Variants in KDM3A observed in about 807,000 individuals in gnomAD.
The protein encoded by KDM3A is lysine-specific demethylase 3A.
Under a neutral mutation model 158.0 loss-of-function variants are expected in KDM3A, and 60 were observed. That is an observed-to-expected ratio of 0.38 (90% CI 0.31 to 0.47). The LOEUF is 0.47. Among genes scored for constraint, KDM3A ranks in the 20% least tolerant of loss-of-function variants. KDM3A has a pLI of 0.99. For missense variants in KDM3A, 1,319 were observed against 1,574.3 expected, an observed-to-expected ratio of 0.84 and a Z score of 2.74; for synonymous variants, 608 against 549.3, an observed-to-expected ratio of 1.11 and a Z score of -1.49.
chr2:86,439,622 C>A (rs1487610830), upstream of KDM3A, among the ~76,000 whole-genome samples: 1 of 151,956 alleles, frequency 6.6e-6, no homozygotes, highest in Non-Finnish European at 1.5e-5. Context: ...TTCTCCATAT[C>A]TTCCCTTATA....
At chr2:86,480,411 C>G in intron 16 of KDM3A, 49 bp downstream of exon 16, 1 of 1,498,738 alleles carries the variant, frequency 6.7e-7, no homozygotes, top group African/African-American at 1.4e-5. Flanking sequence ...TTAGTCCATT[C>G]GTGGAAGGAC....
intron 11 of KDM3A, among the ~76,000 whole-genome samples, chr2:86,470,918 A>G (rs773879418): frequency 6.6e-6 from 1 of 152,162 alleles, no homozygotes; most frequent in Non-Finnish European, 1.5e-5. Flanking sequence ...TGTTGGTATT[A>G]AGATTATTTT....
intron 20 of KDM3A, 44 bp downstream of exon 20, chr2:86,485,073 G>A: frequency 9.0e-7 from 1 of 1,105,476 alleles, no homozygotes; most frequent in Non-Finnish European, 1.4e-6. Flanking sequence ...TCCTTCACTT[G>A]GTAGGATAAA....
In KDM3A at chr2:86,449,916, G is replaced by A. The variant is rs1160369590; in HGVS notation, c.296G>A (p.Arg99Gln). The change falls in exon 3 of 26, where the codon CGA becomes CAA. Residue 99 changes from arginine to glutamine, a missense_variant. By Grantham distance (43) the Arg-to-Gln change is conservative. This residue lies in a region of KDM3A where 652 missense variants were observed against 627.2 expected (regional missense o/e 1.04). Coordinates refer to ENST00000312912, the MANE Select transcript of KDM3A (RefSeq NM_018433.6). ...LVEHNLVLAE[R>Q]KSPEISERIV... ...GAACATAATTTGGTTTTAGCTGAAC[G>A]AAAGTCACCTGAAATTTCTGAACGA... is the stretch of plus-strand genomic sequence containing the variant. 8 of 1,613,706 alleles carry A rather than the reference G, an allele frequency of 5.0e-6. No homozygotes were observed. The highest frequency in any genetic ancestry group is 4.5e-5 in the East Asian group (2 of 44,868).
intron 2 of KDM3A, among the ~76,000 whole-genome samples, chr2:86,449,414 CAATT>C (rs1333786687): frequency 6.6e-6 from 1 of 152,152 alleles, no homozygotes; most frequent in African/African-American, 2.4e-5. Flanking sequence ...TGTCAATAGA[CAATT>C]ACAGTGCAGT....
At chr2:86,487,253 G>A (rs1674225682) in intron 21 of KDM3A, 1 of 152,110 alleles carries the variant, frequency 6.6e-6, no homozygotes, top group Admixed American at 6.5e-5. Flanking sequence ...ACTAATAGAT[G>A]GCAGTGTTAC....
upstream of KDM3A, among the ~76,000 whole-genome samples, chr2:86,439,349 A>T (rs1463467741): frequency 6.6e-6 from 1 of 152,028 alleles, no homozygotes; most frequent in Non-Finnish European, 1.5e-5. Context: ...ATGCTGCTGG[A>T]TTTAATTTGC....
Position 86,481,938 on chromosome 2 carries a change from C to G in KDM3A, c.2521C>G (p.Pro841Ala). The change falls in exon 17 of 26, where the codon CCA becomes GCA. Residue 841 changes from proline (P) to alanine (A), a missense_variant. Physicochemically the swap from Pro to Ala is conservative, Grantham distance 27 (BLOSUM62 -1). This residue lies in a region of KDM3A where 368 missense variants were observed against 415.8 expected (regional missense o/e 0.89). Transcript: ENST00000312912. ...TTTTGGTTTTATTTTAGAAAAACAA[C>G]CAACAATGCCAATTTTAAAGAATGA... ...NVNKENKEKQ[P>A]TMPILKNEIK... 6.2e-7 allele frequency: 1 copy of G among 1,607,828 alleles called. No individual in the cohort carries two copies. Among genetic ancestry groups the G allele is most frequent in the Non-Finnish European group, 8.5e-7 (1 of 1,177,518 alleles).
chr2:86,483,170 T>G (rs1295715488), intron 18 of KDM3A: 1 of 155,168 alleles, frequency 6.4e-6, no homozygotes, highest in Non-Finnish European at 1.4e-5. Flanking sequence ...TGTTGGATCT[T>G]AAGTGCCGGT....
chr2:86,443,615 C>T (rs768445489), intron 2 of KDM3A: 1 of 152,140 alleles, frequency 6.6e-6, no homozygotes, highest in Non-Finnish European at 1.5e-5. Context: ...AGGACACATA[C>T]GTAGGAATTG....
chr2:86,470,144 T>TA (rs1330256887), intron 10 of KDM3A, 60 bp from the exon 11 acceptor site: 5 of 1,349,684 alleles, frequency 3.7e-6, no homozygotes. Context: ...AATTCAGTCA[T>TA]ATATGAATGT....
At chr2:86,455,928 C>A (rs1284679062) in intron 5 of KDM3A, among the ~76,000 whole-genome samples, 2 of 146,524 alleles carry the variant, frequency 1.4e-5, no homozygotes, top group Non-Finnish European at 3.0e-5. Flanking sequence ...TACACTCCAG[C>A]CTGGGTGAGA....
At chr2:86,471,470 A>G (rs888505276) in intron 11 of KDM3A, among the ~76,000 whole-genome samples, 1 of 152,072 alleles carries the variant, frequency 6.6e-6, no homozygotes, top group African/African-American at 2.4e-5. Flanking sequence ...TTTTTTGTTC[A>G]TATAGAAATG....
At chr2:86,442,358 C>T in intron 2 of KDM3A, 125 bp downstream of exon 2, 1 of 883,598 alleles carries the variant, frequency 1.1e-6, no homozygotes, top group Non-Finnish European at 1.7e-6. Context: ...TCTGAAGGTG[C>T]AGGAAGCTAG....
intron 10 of KDM3A, chr2:86,467,232 A>G (rs923324356): frequency 6.2e-6 from 1 of 162,232 alleles, no homozygotes; most frequent in Non-Finnish European, 1.3e-5. Flanking sequence ...TAGGTGGGTA[A>G]TTAGGTGGTT....
chr2:86,459,397 G>A (rs989601167), intron 8 of KDM3A, among the ~76,000 whole-genome samples: 3 of 152,180 alleles, frequency 2.0e-5, no homozygotes, highest in Non-Finnish European at 4.4e-5. Context: ...AGAGTTAGAA[G>A]TAGTAAATAT....
chr2:86,470,559 G>T, intron 11 of KDM3A, 151 bp downstream of exon 11: 2 of 577,540 alleles, frequency 3.5e-6, no homozygotes, highest in Non-Finnish European at 5.9e-6. Flanking sequence ...GGAGAATCTA[G>T]ATCTTATTGC....
intron 11 of KDM3A, among the ~76,000 whole-genome samples, chr2:86,470,630 C>T (rs551575902): frequency 4.0e-5 from 6 of 151,788 alleles, no homozygotes; most frequent in African/African-American, 1.5e-4. Context: ...AAAATATAAA[C>T]TTCTATTTCA....
rs527515429 is a variant in KDM3A, at chr2:86,476,010, C to T, written c.1939+1020C>T. ...GAAAGGGAATTGCGAGTGCCTGGGA[C>T]AACCAGAGCTATTCTTTAGAATTAC... On this transcript the variant is annotated intron_variant, in intron 12 of 25. Transcript: ENST00000312912. Among the ~76,000 whole-genome samples the T allele has an allele frequency of 5.1e-4, 78 of 152,306 alleles. 1 individual carries two copies. The highest frequency in any genetic ancestry group is 6.8e-3 in the Middle Eastern group (2 of 294).
Sources: allele counts gnomAD v4.1 joint callset (sites outside exome capture counted in the v4.1 genomes callset), GRCh38; gene constraint gnomAD v4.1.1; regional missense constraint gnomAD v4.1.1; transcripts MANE v1.5; gene names NCBI Gene and HGNC (gene_info 2026-07-23, HGNC 2026-07-21).